Variants in FGR observed in about 807,000 individuals in gnomAD.
FGR encodes tyrosine-protein kinase Fgr.
A neutral mutation model predicts 63.2 loss-of-function variants in FGR; 26 were observed. That is an observed-to-expected ratio of 0.41 (90% CI 0.30 to 0.57). The LOEUF (loss-of-function observed/expected upper bound fraction) is 0.57. FGR is among the 20% of genes least tolerant of loss of function. FGR has a pLI of 0.27. For missense variants in FGR, 511 were observed against 690.8 expected (o/e 0.74, Z 2.92); for synonymous variants, 286 against 277.7 (o/e 1.03, Z -0.30).
In FGR at chr1:27,630,980, AGTT is replaced by A. The variant is rs1159068611; in HGVS notation, c.-77+4082_-77+4084del. ...GTTGTTGCATCTGCACCTTCTGAGT[AGTT>A]GTTGTGAGGGCTTCATGACATGTGG... is the stretch of plus-strand genomic sequence containing the variant. On this transcript the variant is annotated intron_variant, in intron 1 of 12. Coordinates refer to ENST00000374005, the MANE Select transcript of FGR (RefSeq NM_005248.3). Among the ~76,000 whole-genome samples, 5 of 152,128 alleles carry A rather than the reference AGTT, an allele frequency of 3.3e-5. No homozygotes were observed. The East Asian group carries it at 5.8e-4, about 18-fold the overall frequency.
chr1:27,620,787 A>T (rs115047061), intron 5 of FGR, among the ~76,000 whole-genome samples: 2,183 of 151,152 alleles, frequency 0.014, 53 homozygotes, highest in African/African-American at 0.05. Context: ...GAACTTTGGG[A>T]GGCCAAGATG....
In FGR at chr1:27,623,237, C is replaced by T. The variant is rs1357120932; in HGVS notation, c.227-93G>A. On this transcript the variant is annotated intron_variant, in intron 3 of 12. Transcript: ENST00000374005. ...ATTCCTGTTCCCCAGCCAGGTGCTG[C>T]ACCTCCCCACTCCTTTAGTGCTCTG... The T allele has an allele frequency of 5.8e-6, 5 of 864,352 alleles. No individual in the cohort carries two copies. In the African/African-American group the frequency reaches 6.6e-5, roughly 11 times the overall value. The allele number at this position is 864,352 out of a possible 1,614,324, so 53.5% of individuals were successfully genotyped here. A position where few individuals can be genotyped will look rare whatever the true frequency, so the allele number is the denominator to read the frequency against.
chr1:27,628,315 T>C (rs999525408), intron 1 of FGR, among the ~76,000 whole-genome samples: 7 of 151,964 alleles, frequency 4.6e-5, no homozygotes, highest in Non-Finnish European at 1.5e-5. Flanking sequence ...GCCACTGTAC[T>C]CCAGCCTGGG....
At chr1:27,624,664 T>G (rs2089989146) in intron 2 of FGR, among the ~76,000 whole-genome samples, 1 of 152,146 alleles carries the variant, frequency 6.6e-6, no homozygotes, top group Admixed American at 6.6e-5. Context: ...CATGTGTATA[T>G]GTCTGTAAGA....
At chr1:27,625,331 G>T (rs1178623546) in intron 1 of FGR, among the ~76,000 whole-genome samples, 180 bp from the exon 2 acceptor site, 1 of 151,930 alleles carries the variant, frequency 6.6e-6, no homozygotes, top group Admixed American at 6.6e-5. Flanking sequence ...GTCACATAGG[G>T]CAAACCACCC....
chr1:27,624,385 T>C (rs763891798), intron 2 of FGR, among the ~76,000 whole-genome samples: 3 of 152,170 alleles, frequency 2.0e-5, no homozygotes, highest in Non-Finnish European at 4.4e-5. Flanking sequence ...TACAGGTGCG[T>C]GCCAGTACCC....
chr1:27,614,595 T>C lies in FGR; in HGVS notation c.1096-12A>G, dbSNP rs1571378310. On this transcript the variant is annotated splice_polypyrimidine_tract_variant and intron_variant, in intron 10 of 12. Transcript: ENST00000374005. ...ATGCCCTCAGCTACCTGGGGGACCA[T>C]AGTGTGGAGAGATGGGAGCTCATGT... The C allele has an allele frequency of 1.2e-6, 2 of 1,613,146 alleles. No homozygotes were observed. The highest frequency in any genetic ancestry group is 1.1e-5 in the South Asian group (1 of 90,996).
At chr1:27,625,509 T>C (rs1161835057) in intron 1 of FGR, among the ~76,000 whole-genome samples, 1 of 152,172 alleles carries the variant, frequency 6.6e-6, no homozygotes, top group East Asian at 1.9e-4. Context: ...CATGCACATA[T>C]ACATGGGGTG....
Position 27,623,941 on chromosome 1 carries a change from G to T in FGR, c.-13-12C>A. On this transcript the variant is annotated splice_polypyrimidine_tract_variant and intron_variant, in intron 2 of 12. Coordinates refer to ENST00000374005, the MANE Select transcript of FGR (RefSeq NM_005248.3). ...TTCCAGGTTCCCTGCTACAGAATGG[G>T]GCATGCCTCACTCAAGGACCCCTGC... 6.4e-7 allele frequency: 1 copy of T among 1,559,844 alleles called. No homozygotes were observed. The highest frequency in any genetic ancestry group is 1.2e-5 in the South Asian group (1 of 83,190).
intron 1 of FGR, among the ~76,000 whole-genome samples, chr1:27,633,393 C>T (rs182128617): frequency 2.0e-5 from 3 of 152,260 alleles, no homozygotes; most frequent in Admixed American, 6.5e-5. Flanking sequence ...AGTACACACC[C>T]GAGGGGCGGC....
chr1:27,612,072 G>A lies in FGR; in HGVS notation c.*842C>T, dbSNP rs1368449911. 2.0e-5 allele frequency: 3 copies of A among 152,194 alleles called. No homozygotes were observed. The highest frequency in any genetic ancestry group is 2.9e-5 in the Non-Finnish European group (2 of 68,042). 9.4% of individuals were successfully genotyped at this position (152,194 alleles called of 1,614,324 possible). A position where few individuals can be genotyped will look rare whatever the true frequency, so the allele number is the denominator to read the frequency against. On this transcript the variant is annotated 3_prime_UTR_variant, in exon 13 of 13. Transcript: ENST00000374005. ...ACAGATTGAAGGCCATATCAGCAACGAAGGGGACATTTTAATGTATCTTCA... is the reference window on the plus strand; with the variant it reads ...ACAGATTGAAGGCCATATCAGCAACAAAGGGGACATTTTAATGTATCTTCA...
intron 5 of FGR, among the ~76,000 whole-genome samples, chr1:27,619,214 G>A (rs1219423858): frequency 1.3e-5 from 2 of 151,532 alleles, no homozygotes; most frequent in Non-Finnish European, 2.9e-5. Context: ...TTTTTGAGAC[G>A]GAGTCTTGCT....
chr1:27,626,869 A>G (rs1456678823), intron 1 of FGR, among the ~76,000 whole-genome samples: 1 of 152,132 alleles, frequency 6.6e-6, no homozygotes, highest in African/African-American at 2.4e-5. Context: ...TGGGGCTGAT[A>G]CAAAAACAAG....
chr1:27,621,627 G>A lies in FGR; in HGVS notation c.360C>T (p.Leu120=). ...TEGDWWEARS[L]SSGKTGCIPS... is the part of the protein sequence containing the mutation. ...GAATGCAGCCAGTTTTTCCGGAGCT[G>A]AGAGACCGAGCCTCCCACCAGTCAC... The change falls in exon 5 of 13, where the codon CTC becomes CTT. Residue 120 remains leucine (L), a synonymous_variant. Transcript: ENST00000374005. 4.3e-6 allele frequency: 7 copies of A among 1,613,912 alleles called. No homozygotes were observed. Among genetic ancestry groups the A allele is most frequent in the Non-Finnish European group, 5.9e-6 (7 of 1,179,890 alleles).
intron 3 of FGR, chr1:27,623,378 C>T: frequency 1.7e-6 from 1 of 597,550 alleles, no homozygotes; most frequent in Non-Finnish European, 3.0e-6. Flanking sequence ...CCCACTCCTC[C>T]TCTTCCCCAC....
In FGR at chr1:27,615,961, A is replaced by G; in HGVS notation, c.683-117T>C. The G allele has an allele frequency of 8.5e-7, 1 of 1,179,172 alleles. No homozygotes were observed. Among genetic ancestry groups the G allele is most frequent in the Non-Finnish European group, 1.2e-6 (1 of 862,608 alleles). 73.0% of individuals were successfully genotyped at this position (1,179,172 alleles called of 1,614,324 possible). On this transcript the variant is annotated intron_variant, in intron 7 of 12. Transcript: ENST00000374005. This position sits in a 1 kb window ranked among gnomAD's most constrained non-coding sequence, Gnocchi z 7.6. The stretch of plus-strand genomic sequence containing the variant: ...ATCAGTTATAAGGAACTAGGCCCCA[A>G]GTGAGGTCACAGGCCAGGAAGAAAG...
intron 5 of FGR, among the ~76,000 whole-genome samples, chr1:27,618,121 G>A (rs571599606): frequency 3.3e-5 from 5 of 152,252 alleles, no homozygotes; most frequent in African/African-American, 7.2e-5. Flanking sequence ...AGGTCAGTCC[G>A]CCCCTGGGTA....
chr1:27,633,895 T>C (rs2090140865), intron 1 of FGR, among the ~76,000 whole-genome samples: 1 of 151,858 alleles, frequency 6.6e-6, no homozygotes, highest in Non-Finnish European at 1.5e-5. Context: ...GGGGGAAGAG[T>C]GGACACAAGG....
intron 4 of FGR, among the ~76,000 whole-genome samples, chr1:27,622,725 C>T (rs1257225114): frequency 2.6e-5 from 4 of 152,286 alleles, no homozygotes; most frequent in Non-Finnish European, 5.9e-5. Context: ...AGGCTGGTCT[C>T]GAACTCCTGA....
Sources: gnomAD v4.1 joint callset for allele counts (sites outside exome capture counted in the v4.1 genomes callset) on GRCh38, gnomAD v4.1.1 for gene constraint, Gnocchi (gnomAD v3.1) non-coding constraint, MANE v1.5 for transcripts, NCBI Gene and HGNC (gene_info 2026-07-23, HGNC 2026-07-21) for gene names.